Variants in LRP5 observed in about 807,000 individuals in gnomAD.
The protein encoded by LRP5 is LDL receptor related protein 5.
Under a neutral mutation model 154.1 loss-of-function variants are expected in LRP5, and 62 were observed. The ratio of observed to expected loss-of-function variants is 0.40; its 90% CI spans 0.33 to 0.50. LRP5 has a LOEUF of 0.50. Ranked by LOEUF, LRP5 falls within the 20% of genes least tolerant of loss-of-function variation. The probability of loss-of-function intolerance (pLI) is 0.55; values close to 1 mark genes in which losing one functional copy is unlikely to be tolerated. For synonymous variants in LRP5, 966 were observed against 1,011.5 expected (o/e 0.96, Z 0.85); for missense variants, 1,915 against 2,336.7 (o/e 0.82, Z 3.72).
At chr11:68,431,231 CTTTTTTTTT>C (rs34840282) in intron 17 of LRP5, among the ~76,000 whole-genome samples, 1 of 92,974 alleles carries the variant, frequency 1.1e-5, no homozygotes, top group African/African-American at 4.3e-5. Context: ...GCTGTGCACC[CTTTTTTTTT>C]TTTTTTTTTT....
rs371200155 is a variant in LRP5, at chr11:68,386,278, G to A, written c.1016-38G>A. On this transcript the variant is annotated intron_variant, in intron 5 of 22. Transcript: ENST00000294304. The surrounding 1 kb of genome is among the most constrained non-coding windows in gnomAD (Gnocchi z 7.9). Reference sequence around the variant, plus strand: ...AGGCCTAGACTTGTGCCTGCTGCAGGCCCTTGACCCCTGACCCCATTGCAC... The same window carrying A: ...AGGCCTAGACTTGTGCCTGCTGCAGACCCTTGACCCCTGACCCCATTGCAC... 2.2e-5 allele frequency: 35 copies of A among 1,606,474 alleles called. No individual in the cohort carries two copies. The highest frequency in any genetic ancestry group is 2.7e-5 in the Non-Finnish European group (32 of 1,179,840).
chr11:68,365,384 G>T (rs1288317191), intron 4 of LRP5, among the ~76,000 whole-genome samples, 187 bp from the exon 5 acceptor site: 1 of 56 alleles, frequency 0.018, no homozygotes, highest in Admixed American at 0.17. Flanking sequence ...GCCCCATGTG[G>T]ACGGGCCAGC....
intron 16 of LRP5, among the ~76,000 whole-genome samples, chr11:68,426,595 T>C (rs1279208454): frequency 7.9e-6 from 1 of 126,388 alleles, no homozygotes; most frequent in African/African-American, 3.3e-5. Context: ...ACCTGGCTAA[T>C]TTTTTTTTGT....
At chr11:68,334,317 C>T (rs1028565950) in intron 1 of LRP5, among the ~76,000 whole-genome samples, 8 of 152,018 alleles carry the variant, frequency 5.3e-5, no homozygotes, top group Admixed American at 3.9e-4. Context: ...ATCCAGCATC[C>T]GGAAGCAAGG....
At chr11:68,439,399 G>A (rs1428489979) in intron 20 of LRP5, among the ~76,000 whole-genome samples, 2 of 152,196 alleles carry the variant, frequency 1.3e-5, no homozygotes, top group Non-Finnish European at 2.9e-5. Context: ...TCTCTGGGGA[G>A]CGGGGTTATC....
chr11:68,394,496 C>A lies in LRP5; in HGVS notation c.1584+4444C>A, dbSNP rs181789588. Reference sequence around the variant, plus strand: ...TTTTTTTTTTTTTGAGGTGGAGTCTCGCTCTCTTGCCCAGTCTGGAGTGCA... The same window carrying A: ...TTTTTTTTTTTTTGAGGTGGAGTCTAGCTCTCTTGCCCAGTCTGGAGTGCA... On this transcript the variant is annotated intron_variant, in intron 7 of 22. Transcript: ENST00000294304. Among the ~76,000 whole-genome samples, 78 of 150,156 alleles carry A rather than the reference C, an allele frequency of 5.2e-4. 1 individual carries two copies. The highest frequency in any genetic ancestry group is 5.5e-4 in the Non-Finnish European group (37 of 67,738).
At chr11:68,309,109 A>G (rs2098585998), upstream of LRP5, among the ~76,000 whole-genome samples, 1 of 151,256 alleles carries the variant, frequency 6.6e-6, no homozygotes. Flanking sequence ...AATTTTTTGT[A>G]TTTTAAGTAG....
chr11:68,444,669 G>C (rs1385297165), intron 21 of LRP5, among the ~76,000 whole-genome samples: 1 of 150,234 alleles, frequency 6.7e-6, no homozygotes. Context: ...CGCTGCACTG[G>C]TGGATCTTGC....
intron 16 of LRP5, 124 bp downstream of exon 16, chr11:68,426,311 C>A (rs111915491): frequency 1.3e-6 from 1 of 762,494 alleles, no homozygotes. Flanking sequence ...CAGATGCCAA[C>A]TGTTGCCCGC....
At chr11:68,402,219 C>T (rs1237670290) in intron 7 of LRP5, among the ~76,000 whole-genome samples, 1 of 152,174 alleles carries the variant, frequency 6.6e-6, no homozygotes, top group African/African-American at 2.4e-5. Flanking sequence ...TTGGATGTTG[C>T]GCCTAACTCA....
upstream of LRP5, among the ~76,000 whole-genome samples, chr11:68,309,485 G>C (rs1399861447): frequency 6.6e-6 from 1 of 151,642 alleles, no homozygotes; most frequent in Non-Finnish European, 1.5e-5. Flanking sequence ...CACCCTCCTC[G>C]GCCTCCCAAA....
At chr11:68,377,182 G>A (rs2098637834) in intron 5 of LRP5, among the ~76,000 whole-genome samples, 1 of 152,182 alleles carries the variant, frequency 6.6e-6, no homozygotes, top group South Asian at 2.1e-4. Flanking sequence ...CAGGCAGTGG[G>A]GGGCCACAGG....
intron 3 of LRP5, among the ~76,000 whole-genome samples, chr11:68,358,594 C>T (rs2098625186): frequency 6.6e-6 from 1 of 152,188 alleles, no homozygotes; most frequent in South Asian, 2.1e-4. Context: ...AGGGCAACAG[C>T]CGGAAGCTGT....
In LRP5 at chr11:68,357,634, C is replaced by T. The variant is rs2098624199; in HGVS notation, c.489-16C>T. ...GATCTGTGTTAGCTGCTTCTCTTGC[C>T]CTGCCCCCGTCACAGGTACATGTAC... is the stretch of plus-strand genomic sequence containing the variant. On this transcript the variant is annotated splice_polypyrimidine_tract_variant and intron_variant, in intron 2 of 22. Coordinates refer to ENST00000294304, the MANE Select transcript of LRP5 (RefSeq NM_002335.4). The T allele has an allele frequency of 3.7e-6, 6 of 1,612,384 alleles. No homozygotes were observed. Among genetic ancestry groups the T allele is most frequent in the Non-Finnish European group, 5.1e-6 (6 of 1,179,058 alleles).
chr11:68,417,115 C>T (rs559059241), intron 13 of LRP5, among the ~76,000 whole-genome samples: 225 of 152,292 alleles, frequency 1.5e-3, no homozygotes, highest in Non-Finnish European at 1.5e-3. Flanking sequence ...GCAATAAATA[C>T]GGCACTTCAC....
In LRP5 at chr11:68,448,862, T is replaced by C. The variant is rs2098682870; in HGVS notation, c.4640T>C (p.Val1547Ala). 6.2e-7 allele frequency: 1 copy of C among 1,612,000 alleles called. No individual in the cohort carries two copies. Among genetic ancestry groups the C allele is most frequent in the Non-Finnish European group, 8.5e-7 (1 of 1,179,940 alleles). The part of the protein sequence containing the change: ...APPTTPCSTD[V>A]CDSDYSASRW... ...CCGACGACGCCCTGCAGCACCGACGTGTGTGACAGCGACTACAGCGCCAGC... is the reference window on the plus strand; with the variant it reads ...CCGACGACGCCCTGCAGCACCGACGCGTGTGACAGCGACTACAGCGCCAGC... The change falls in exon 23 of 23, where the codon GTG becomes GCG. Residue 1547 changes from valine (V) to alanine (A), a missense_variant. Physicochemically the swap from Val to Ala is moderately conservative, Grantham distance 64 (BLOSUM62 0). Coordinates refer to ENST00000294304, the MANE Select transcript of LRP5 (RefSeq NM_002335.4).
chr11:68,439,756 C>T (rs559148998), intron 20 of LRP5, 21 bp from the exon 21 acceptor site: 2 of 1,605,778 alleles, frequency 1.2e-6, no homozygotes, highest in Non-Finnish European at 1.7e-6. Flanking sequence ...CACCTGACCT[C>T]CCCCGTCCCT....
chr11:68,406,086 G>T (rs2098655495), intron 8 of LRP5, among the ~76,000 whole-genome samples: 1 of 152,214 alleles, frequency 6.6e-6, no homozygotes, highest in Admixed American at 6.5e-5. Flanking sequence ...GATGAGAATA[G>T]CTCCTACCTC....
At chr11:68,331,709 C>A (rs1183418061) in intron 1 of LRP5, among the ~76,000 whole-genome samples, 2 of 152,018 alleles carry the variant, frequency 1.3e-5, no homozygotes, top group African/African-American at 4.8e-5. Flanking sequence ...GGGAAACTTG[C>A]CTGGACCTCA....
Sources: allele counts gnomAD v4.1 joint callset (sites outside exome capture counted in the v4.1 genomes callset), GRCh38; gene constraint gnomAD v4.1.1; non-coding constraint Gnocchi (gnomAD v3.1); transcripts MANE v1.5; gene names NCBI Gene and HGNC (gene_info 2026-07-23, HGNC 2026-07-21).